MATN2: variants seen among roughly 807,000 people sequenced by gnomAD.
The protein encoded by MATN2 is matrilin-2.
MATN2 carries 69 observed loss-of-function variants against 103.2 expected under a neutral mutation model. The observed-to-expected ratio is 0.67, with a 90% CI of 0.55 to 0.82. The LOEUF (loss-of-function observed/expected upper bound fraction) is 0.82, where lower values mean the gene tolerates loss of function less well. Ranked by LOEUF, MATN2 falls within the 40% of genes least tolerant of loss-of-function variation. MATN2 has a pLI of 0.00. For synonymous variants in MATN2, 429 were observed against 450.2 expected (o/e 0.95, Z 0.60); for missense variants, 1,023 against 1,211.5 (o/e 0.84, Z 2.31).
At chr8:97,916,870 C>T (rs1403328174) in intron 2 of MATN2, among the ~76,000 whole-genome samples, 3 of 152,140 alleles carry the variant, frequency 2.0e-5, no homozygotes, top group Admixed American at 6.5e-5. Context: ...CCTCATATGA[C>T]GTCTCTTTTC....
chr8:97,931,577 C>A lies in MATN2; in HGVS notation c.712+55C>A. On this transcript the variant is annotated intron_variant, in intron 3 of 18. Coordinates refer to ENST00000254898, the MANE Select transcript of MATN2 (RefSeq NM_002380.5). This position sits in a 1 kb window ranked among gnomAD's most constrained non-coding sequence, Gnocchi z 4.1. ...GAGGAACCACTAGAATTCATTCATT[C>A]ATCTTCAAGTGTTCATTCTGTGTTA... The A allele has an allele frequency of 6.8e-7, 1 of 1,466,916 alleles. No individual in the cohort carries two copies. Among genetic ancestry groups the A allele is most frequent in the Non-Finnish European group, 9.2e-7 (1 of 1,089,788 alleles). 90.9% of individuals were successfully genotyped at this position (1,466,916 alleles called of 1,614,324 possible). A position where few individuals can be genotyped will look rare whatever the true frequency, so the allele number is the denominator to read the frequency against.
chr8:97,949,432 C>T (rs1253060993), intron 4 of MATN2, among the ~76,000 whole-genome samples: 1 of 152,074 alleles, frequency 6.6e-6, no homozygotes, highest in East Asian at 1.9e-4. Flanking sequence ...CCTCAGCCTC[C>T]CAAAGTGCTG....
intron 1 of MATN2, among the ~76,000 whole-genome samples, chr8:97,882,925 G>A (rs868427921): frequency 1.3e-5 from 2 of 151,826 alleles, no homozygotes; most frequent in Non-Finnish European, 2.9e-5. Flanking sequence ...TTTTTCATCC[G>A]TGTATCTTCT....
rs537687713 is a variant in MATN2, at chr8:97,934,803, A to C, written c.712+3281A>C. ...TTCCTCTAGTGCTCAGTAAATCAAC[A>C]CTTTACATAAGATAAGGTGAACATA... is the stretch of plus-strand genomic sequence containing the variant. On this transcript the variant is annotated intron_variant, in intron 3 of 18. Coordinates refer to ENST00000254898, the MANE Select transcript of MATN2 (RefSeq NM_002380.5). Among the ~76,000 whole-genome samples the C allele has an allele frequency of 3.7e-4, 57 of 152,352 alleles. No homozygotes were observed. In the South Asian group the frequency reaches 0.011, roughly 29 times the overall value.
At position 98,016,800 on chromosome 8, in the gene MATN2, C is replaced by T. The variant is rs972768499; in HGVS notation, c.1696+138C>T. 5 of 964,222 alleles carry T rather than the reference C, an allele frequency of 5.2e-6. No individual in the cohort carries two copies. The Admixed American group carries it at 1.1e-4, about 20-fold the overall frequency. The allele number at this position is 964,222 out of a possible 1,614,324, so 59.7% of individuals were successfully genotyped here. On this transcript the variant is annotated intron_variant, in intron 11 of 18. Coordinates refer to ENST00000254898, the MANE Select transcript of MATN2 (RefSeq NM_002380.5). ...ATGTAATGTAGTGTCCTGGATAGGA[C>T]CCTGAAAGAGAAAATGGACATTAGG...
chr8:97,986,996 C>G (rs1812217766), intron 6 of MATN2, among the ~76,000 whole-genome samples: 1 of 143,484 alleles, frequency 7.0e-6, no homozygotes, highest in South Asian at 2.1e-4. Flanking sequence ...CCACGCCCAG[C>G]TAATTTTTTT....
intron 3 of MATN2, 95 bp from the exon 4 acceptor site, chr8:97,941,682 G>A: frequency 7.1e-7 from 1 of 1,400,524 alleles, no homozygotes; most frequent in Non-Finnish European, 9.8e-7. Context: ...GTCCTGCCCA[G>A]AGGAGAGAGT....
chr8:97,928,111 C>T (rs964606235), intron 2 of MATN2, among the ~76,000 whole-genome samples: 5 of 152,150 alleles, frequency 3.3e-5, no homozygotes, highest in African/African-American at 9.7e-5. Flanking sequence ...GGAATGCTCC[C>T]CCTTGTCCTC....
chr8:97,963,222 TC>T (rs779668840), intron 5 of MATN2, among the ~76,000 whole-genome samples: 1 of 152,212 alleles, frequency 6.6e-6, no homozygotes, highest in African/African-American at 2.4e-5. Flanking sequence ...ACCTGCTTTT[TC>T]CCCTCTACTA....
intron 1 of MATN2, 133 bp from the exon 2 acceptor site, chr8:97,887,942 A>G (rs773895470): frequency 9.9e-5 from 80 of 805,422 alleles, no homozygotes; most frequent in Admixed American, 1.8e-4. Context: ...AAGGCCAAAC[A>G]CACAAACGGC....
chr8:97,976,547 G>T (rs560469636), intron 5 of MATN2, among the ~76,000 whole-genome samples: 1 of 152,196 alleles, frequency 6.6e-6, no homozygotes, highest in African/African-American at 2.4e-5. Context: ...GCATGGTTTT[G>T]CTTTTTAAAA....
At position 97,990,958 on chromosome 8, in the gene MATN2, T is replaced by C. The variant is rs535450490; in HGVS notation, c.1082-3522T>C. On this transcript the variant is annotated intron_variant, in intron 6 of 18. Transcript: ENST00000254898. ...CGATGGTTTCATGGCAGGATACATA[T>C]GCAAAATGCATCAGATTGTTTTTCT... Among the ~76,000 whole-genome samples, 108 of 152,326 alleles carry C rather than the reference T, an allele frequency of 7.1e-4. 1 individual carries two copies. Among genetic ancestry groups the C allele is most frequent in the African/African-American group, 2.4e-3 (98 of 41,576 alleles).
intron 2 of MATN2, among the ~76,000 whole-genome samples, chr8:97,903,545 A>T (rs1232806670): frequency 6.6e-6 from 1 of 152,198 alleles, no homozygotes; most frequent in African/African-American, 2.4e-5. Context: ...TGAAATGGAG[A>T]TGCCTAGGTG....
At chr8:97,900,645 C>T (rs1329361825) in intron 2 of MATN2, among the ~76,000 whole-genome samples, 1 of 152,122 alleles carries the variant, frequency 6.6e-6, no homozygotes, top group Non-Finnish European at 1.5e-5. Context: ...TAAAGATATA[C>T]TGAGAACCAG....
intron 11 of MATN2, 151 bp from the exon 12 acceptor site, chr8:98,017,843 G>T (rs1198193142): frequency 1.2e-5 from 9 of 765,536 alleles, no homozygotes; most frequent in East Asian, 5.3e-5. Context: ...GCTAAACTTT[G>T]TTCTCAATTG....
Position 98,005,276 on chromosome 8 carries a change from C to T in MATN2, c.1327+1493C>T, listed in dbSNP as rs1249178132. Reference sequence around the variant, plus strand: ...GGTGCCAAAGTCAGTGCCTGCTGTACGTTGCCTCTGCATGTCTCTGAGTCC... The same window carrying T: ...GGTGCCAAAGTCAGTGCCTGCTGTATGTTGCCTCTGCATGTCTCTGAGTCC... On this transcript the variant is annotated intron_variant, in intron 8 of 18. Coordinates refer to ENST00000254898, the MANE Select transcript of MATN2 (RefSeq NM_002380.5). This position sits in a 1 kb window ranked among gnomAD's most constrained non-coding sequence, Gnocchi z 4.6. 2.6e-5 allele frequency among the ~76,000 whole-genome samples: 4 copies of T among 152,356 alleles called. No homozygotes were observed. Among genetic ancestry groups the T allele is most frequent in the South Asian group, 2.1e-4 (1 of 4,830 alleles).
Position 98,007,856 on chromosome 8 carries a change from G to C in MATN2, c.1573+255G>C, listed in dbSNP as rs1563723046. 6.6e-6 allele frequency among the ~76,000 whole-genome samples: 1 copy of C among 152,190 alleles called. No individual in the cohort carries two copies. The highest frequency in any genetic ancestry group is 1.5e-5 in the Non-Finnish European group (1 of 68,048). On this transcript the variant is annotated intron_variant, in intron 10 of 18. Transcript: ENST00000254898. This position sits in a 1 kb window ranked among gnomAD's most constrained non-coding sequence, Gnocchi z 4.2. ...CCCTGTCATTCTGAAGCTGGACAGA[G>C]CCCTTGTCCTCAGCTCTCTCTGCTC...
intron 1 of MATN2, among the ~76,000 whole-genome samples, chr8:97,882,604 T>G (rs929711232): frequency 6.6e-6 from 1 of 152,138 alleles, no homozygotes; most frequent in Non-Finnish European, 1.5e-5. Context: ...GATTTCGCCA[T>G]GTTGCCCAGG....
rs752077194 is a variant in MATN2, at chr8:98,025,725, G to A, written c.1943-1691G>A. 16 of 433,948 alleles carry A rather than the reference G, an allele frequency of 3.7e-5. No individual in the cohort carries two copies. The East Asian group carries it at 6.0e-4, about 16-fold the overall frequency. 26.9% of individuals were successfully genotyped at this position (433,948 alleles called of 1,614,324 possible). ...CGCGCCATTGTACTCCAGCCTGGGCGACACAGCAAGACTCTGTCTCAAAAA... is the reference window on the plus strand; with the variant it reads ...CGCGCCATTGTACTCCAGCCTGGGCAACACAGCAAGACTCTGTCTCAAAAA... On this transcript the variant is annotated intron_variant, in intron 13 of 18. Coordinates refer to ENST00000254898, the MANE Select transcript of MATN2 (RefSeq NM_002380.5).
Sources: gnomAD v4.1 joint callset for allele counts (sites outside exome capture counted in the v4.1 genomes callset) on GRCh38, gnomAD v4.1.1 for gene constraint, Gnocchi (gnomAD v3.1) non-coding constraint, MANE v1.5 for transcripts, NCBI Gene and HGNC (gene_info 2026-07-23, HGNC 2026-07-21) for gene names.